Variants in PDE3A observed in about 807,000 individuals in gnomAD.
PDE3A encodes cGMP-inhibited 3',5'-cyclic phosphodiesterase 3A.
In PDE3A, 43 loss-of-function variants were observed where a neutral mutation model predicts 98.3. That is an observed-to-expected ratio of 0.44 (90% CI 0.34 to 0.56). PDE3A has a LOEUF of 0.56. Among genes scored for constraint, PDE3A ranks in the 20% least tolerant of loss-of-function variants. The pLI, the probability that PDE3A is intolerant of heterozygous loss-of-function variation, is 0.01. For synonymous variants in PDE3A, 663 were observed against 567.9 expected, an observed-to-expected ratio of 1.17 and a Z score of -2.38; for missense variants, 1,427 against 1,440.7, an observed-to-expected ratio of 0.99 and a Z score of 0.15.
chr12:20,616,453 A>G lies in PDE3A; in HGVS notation c.1424+69A>G, dbSNP rs1944010557. On this transcript the variant is annotated intron_variant, in intron 4 of 15. Coordinates refer to ENST00000359062, the MANE Select transcript of PDE3A (RefSeq NM_000921.5). Reference sequence around the variant, plus strand: ...ACTTGCCAAAAATGAGTTATAAATTACAGGAGAAGGAAGGCTAACCAATTA... The same window carrying G: ...ACTTGCCAAAAATGAGTTATAAATTGCAGGAGAAGGAAGGCTAACCAATTA... 2.7e-6 allele frequency: 4 copies of G among 1,470,814 alleles called. No homozygotes were observed. The Admixed American group carries it at 7.4e-5, about 27-fold the overall frequency. 91.1% of individuals were successfully genotyped at this position (1,470,814 alleles called of 1,614,324 possible).
At chr12:20,519,930 G>A (rs879734160) in intron 1 of PDE3A, among the ~76,000 whole-genome samples, 4 of 152,158 alleles carry the variant, frequency 2.6e-5, no homozygotes, top group African/African-American at 9.6e-5. Context: ...ATCTCACATC[G>A]GTTTTCTCCA....
In PDE3A at chr12:20,606,547, G is replaced by T. The variant is rs190190770; in HGVS notation, c.1012-6896G>T. ...TCAGTACTGCAATGTCAAAGTTTTT[G>T]CCCACTAGTAATAAAAATTAAAACA... On this transcript the variant is annotated intron_variant, in intron 2 of 15. Transcript: ENST00000359062. Among the ~76,000 whole-genome samples, 619 of 151,886 alleles carry T rather than the reference G, an allele frequency of 4.1e-3. 6 individuals are homozygous for T. Among genetic ancestry groups the T allele is most frequent in the Middle Eastern group, 0.037 (11 of 294 alleles).
At chr12:20,439,943 AT>A (rs1944842634) in intron 1 of PDE3A, among the ~76,000 whole-genome samples, 1 of 152,086 alleles carries the variant, frequency 6.6e-6, no homozygotes, top group African/African-American at 2.4e-5. Context: ...ATAAATGATA[AT>A]TTCCCTACAT....
intron 1 of PDE3A, among the ~76,000 whole-genome samples, chr12:20,450,432 A>C (rs926384165): frequency 2.6e-5 from 4 of 152,246 alleles, no homozygotes; most frequent in African/African-American, 4.8e-5. Flanking sequence ...CTAGGTAAAA[A>C]TAAATTTTCA....
intron 1 of PDE3A, among the ~76,000 whole-genome samples, chr12:20,456,315 G>T (rs1474881938): frequency 1.3e-5 from 2 of 152,058 alleles, no homozygotes; most frequent in African/African-American, 4.8e-5. Flanking sequence ...TATGTTCCCT[G>T]GGGGTTAGTT....
At chr12:20,493,832 G>A (rs768798763) in intron 1 of PDE3A, among the ~76,000 whole-genome samples, 1 of 152,164 alleles carries the variant, frequency 6.6e-6, no homozygotes, top group African/African-American at 2.4e-5. Context: ...GTTTCTCCAT[G>A]TTGGTCAGGC....
In PDE3A at chr12:20,621,334, C is replaced by G. The variant is rs1435260027; in HGVS notation, c.1463C>G (p.Thr488Ser). Residue 488 changes from threonine to serine, a missense_variant, in exon 5 of 16, where the codon ACC becomes AGC. Coordinates refer to ENST00000359062, the MANE Select transcript of PDE3A (RefSeq NM_000921.5). ...SWNNPVMMTL[T>S]KSRSFTSSYA... is the part of the protein sequence containing the mutation. ...AATAATCCAGTGATGATGACCCTCACCAAAAGCAGATCCTTTACTTCATCC... is the reference window on the plus strand; with the variant it reads ...AATAATCCAGTGATGATGACCCTCAGCAAAAGCAGATCCTTTACTTCATCC... 6.2e-7 allele frequency: 1 copy of G among 1,610,698 alleles called. No homozygotes were observed. The highest frequency in any genetic ancestry group is 2.2e-5 in the East Asian group (1 of 44,796).
intron 1 of PDE3A, among the ~76,000 whole-genome samples, chr12:20,401,968 GAT>G (rs1944140624): frequency 6.6e-6 from 1 of 152,118 alleles, no homozygotes; most frequent in African/African-American, 2.4e-5. Flanking sequence ...CATTAAATCT[GAT>G]AACAATAGTG....
chr12:20,597,343 A>G (rs187955684), intron 2 of PDE3A, among the ~76,000 whole-genome samples: 1 of 152,302 alleles, frequency 6.6e-6, no homozygotes, highest in Admixed American at 6.5e-5. Flanking sequence ...CTTGAAGTCC[A>G]TGTTTCAAAG....
intron 1 of PDE3A, among the ~76,000 whole-genome samples, chr12:20,445,313 C>G (rs1944936599): frequency 6.6e-6 from 1 of 152,014 alleles, no homozygotes; most frequent in Non-Finnish European, 1.5e-5. Flanking sequence ...GGGAAATGAA[C>G]TACACACCTT....
At chr12:20,551,599 C>T (rs979134207) in intron 1 of PDE3A, 12 of 1,556,274 alleles carry the variant, frequency 7.7e-6, no homozygotes, top group African/African-American at 4.1e-5. Flanking sequence ...GTGCGGGGGC[C>T]GGCAGGACCC....
chr12:20,441,743 A>T (rs1221042616), intron 1 of PDE3A, among the ~76,000 whole-genome samples: 3 of 152,080 alleles, frequency 2.0e-5, no homozygotes, highest in Non-Finnish European at 4.4e-5. Context: ...AGAGTGAGCA[A>T]TGTGTTCCTC....
rs77481660 is a variant in PDE3A at position 20,629,808 on chromosome 12, G to C, written c.1541-100G>C. The C allele has an allele frequency of 5.1e-4, 446 of 881,272 alleles. 2 individuals are homozygous for C. In the East Asian group the frequency reaches 8.1e-3, roughly 16 times the overall value. The allele number at this position is 881,272 out of a possible 1,614,324, so 54.6% of individuals were successfully genotyped here. A position where few individuals can be genotyped will look rare whatever the true frequency, so the allele number is the denominator to read the frequency against. Reference sequence around the variant, plus strand: ...AGCCCGGTGACCTGAGCAGGCACGTGGTTGTTACTGAGTTTGTAAGAGTCC... The same window carrying C: ...AGCCCGGTGACCTGAGCAGGCACGTCGTTGTTACTGAGTTTGTAAGAGTCC... On this transcript the variant is annotated intron_variant, in intron 5 of 15. Coordinates refer to ENST00000359062, the MANE Select transcript of PDE3A (RefSeq NM_000921.5).
At chr12:20,634,861 C>T in intron 7 of PDE3A, 41 bp from the exon 8 acceptor site, 1 of 1,509,984 alleles carries the variant, frequency 6.6e-7, no homozygotes, top group Non-Finnish European at 9.2e-7. Flanking sequence ...CCCCTTTCCC[C>T]ATTGTAGATC....
At chr12:20,504,155 C>G (rs1302607975) in intron 1 of PDE3A, among the ~76,000 whole-genome samples, 1 of 152,042 alleles carries the variant, frequency 6.6e-6, no homozygotes, top group African/African-American at 2.4e-5. Flanking sequence ...TTAATGATTT[C>G]TAAAACCTTT....
chr12:20,572,682 G>A (rs190854828), intron 2 of PDE3A, among the ~76,000 whole-genome samples: 10 of 151,984 alleles, frequency 6.6e-5, no homozygotes, highest in Non-Finnish European at 1.2e-4. Flanking sequence ...ATAATACCCC[G>A]TCACAGTAGA....
intron 10 of PDE3A, among the ~76,000 whole-genome samples, chr12:20,642,949 T>C: frequency 6.6e-6 from 1 of 152,194 alleles, no homozygotes; most frequent in East Asian, 1.9e-4. Context: ...GATCTTAAAA[T>C]CTGTGAATTT....
In PDE3A at chr12:20,440,303, T is replaced by C. The variant is rs188435545; in HGVS notation, c.960+70059T>C. ...GTAATTATAAGGAAAAAGAAATTGG[T>C]GGCATGGCTGTGTGATCCTATGGGT... On this transcript the variant is annotated intron_variant, in intron 1 of 15. Transcript: ENST00000359062. Among the ~76,000 whole-genome samples the C allele has an allele frequency of 2.6e-5, 4 of 152,246 alleles. No homozygotes were observed. In the East Asian group the frequency reaches 7.7e-4, roughly 29 times the overall value.
rs187339620 is a variant in PDE3A at position 20,610,274 on chromosome 12, G to A, written c.1012-3169G>A. 6.0e-3 allele frequency among the ~76,000 whole-genome samples: 906 copies of A among 152,072 alleles called. 10 individuals carry two copies. The highest frequency in any genetic ancestry group is 0.02 in the African/African-American group (851 of 41,534). On this transcript the variant is annotated intron_variant, in intron 2 of 15. Transcript: ENST00000359062. ...TTTCTCCAAAGAAGACATGAAAGTG[G>A]CCAACATATATGTATGGAAAAGTGT...
Sources: allele counts gnomAD v4.1 joint callset (sites outside exome capture counted in the v4.1 genomes callset), GRCh38; gene constraint gnomAD v4.1.1; transcripts MANE v1.5; gene names NCBI Gene and HGNC (gene_info 2026-07-23, HGNC 2026-07-21).